CALN1: variants seen among roughly 807,000 people sequenced by gnomAD.
The protein encoded by CALN1 is calneuron 1.
Under a neutral mutation model 30.6 loss-of-function variants are expected in CALN1, and 17 were observed. That is an observed-to-expected ratio of 0.56 (90% CI 0.38 to 0.83). The LOEUF (loss-of-function observed/expected upper bound fraction) is 0.83. CALN1 is among the 40% of genes least tolerant of loss of function. The pLI is 0.00. For missense variants in CALN1, 291 were observed against 354.9 expected, an observed-to-expected ratio of 0.82 and a Z score of 1.45; for synonymous variants, 156 against 131.4, an observed-to-expected ratio of 1.19 and a Z score of -1.28.
At chr7:71,935,432 T>G (rs1795775901) in intron 5 of CALN1, among the ~76,000 whole-genome samples, 2 of 152,146 alleles carry the variant, frequency 1.3e-5, no homozygotes, top group Admixed American at 6.5e-5. Context: ...ATGGATTCAT[T>G]AAAAGGCATC....
At chr7:72,267,071 T>G (rs1322103088) in intron 3 of CALN1, among the ~76,000 whole-genome samples, 1 of 152,218 alleles carries the variant, frequency 6.6e-6, no homozygotes, top group Non-Finnish European at 1.5e-5. Context: ...GAGAGAACTT[T>G]GAGCCATCAG....
intron 3 of CALN1, among the ~76,000 whole-genome samples, chr7:72,196,903 C>T (rs1316358143): frequency 1.3e-5 from 2 of 152,158 alleles, no homozygotes; most frequent in African/African-American, 4.8e-5. Context: ...AAAATCCACA[C>T]TCTTGACCTT....
intron 2 of CALN1, among the ~76,000 whole-genome samples, chr7:72,391,538 C>T (rs1805579262): frequency 1.3e-5 from 2 of 152,088 alleles, no homozygotes; most frequent in Admixed American, 1.3e-4. Flanking sequence ...ATGTCCCCAC[C>T]CAAATCTCAT....
intron 2 of CALN1, among the ~76,000 whole-genome samples, chr7:72,317,700 G>A (rs969189103): frequency 3.9e-5 from 6 of 152,282 alleles, no homozygotes; most frequent in Middle Eastern, 3.4e-3. Flanking sequence ...AGGCTGAGAG[G>A]AAAGAAAGGG....
intron 5 of CALN1, among the ~76,000 whole-genome samples, chr7:71,961,455 C>A (rs896752218): frequency 2.0e-5 from 3 of 152,174 alleles, no homozygotes; most frequent in Non-Finnish European, 4.4e-5. Flanking sequence ...TGGGAGTCAG[C>A]CCCATAGACC....
intron 3 of CALN1, among the ~76,000 whole-genome samples, chr7:72,231,755 G>A (rs976368599): frequency 4.6e-5 from 7 of 152,194 alleles, no homozygotes; most frequent in Non-Finnish European, 1.0e-4. Context: ...GGCATCCACT[G>A]GGGGTCTTGG....
intron 4 of CALN1, among the ~76,000 whole-genome samples, chr7:72,085,809 G>A (rs1240821864): frequency 6.6e-6 from 1 of 152,170 alleles, no homozygotes; most frequent in Non-Finnish European, 1.5e-5. Flanking sequence ...AGGTGGTACA[G>A]GCTGAGATGA....
intron 3 of CALN1, among the ~76,000 whole-genome samples, chr7:72,272,369 CTGGCCAACA>C (rs1797054804): frequency 6.6e-6 from 1 of 152,136 alleles, no homozygotes; most frequent in Non-Finnish European, 1.5e-5. Flanking sequence ...CGAGACCAAC[CTGGCCAACA>C]TGGCAAAAAC....
At chr7:72,349,266 CTG>C (rs1022997181) in intron 2 of CALN1, among the ~76,000 whole-genome samples, 15 of 148,728 alleles carry the variant, frequency 1.0e-4, no homozygotes, top group African/African-American at 3.5e-4. Context: ...AAGAGAGAGA[CTG>C]TAAACACGCG....
chr7:72,293,729 A>ACAGAGGTAGATCTC (rs1198949066), intron 2 of CALN1, among the ~76,000 whole-genome samples: 1 of 152,198 alleles, frequency 6.6e-6, no homozygotes, highest in East Asian at 1.9e-4. Flanking sequence ...TAGGACACTG[A>ACAGAGGTAGATCTC]CAGAGGTAGA....
chr7:72,344,623 T>G (rs946261630), intron 2 of CALN1, among the ~76,000 whole-genome samples: 1 of 137,380 alleles, frequency 7.3e-6, no homozygotes, highest in African/African-American at 2.5e-5. Flanking sequence ...TATGTATATA[T>G]AAATTTAAAT....
rs1275317796 is a variant in CALN1, at chr7:72,041,752, T to C, written c.389-17983A>G. Reference sequence around the variant, plus strand: ...ATGGGAGGGACCCAGTGGGAGGTAATTGGATCATGGGGGTGGGTCTTTCTC... The same window carrying C: ...ATGGGAGGGACCCAGTGGGAGGTAACTGGATCATGGGGGTGGGTCTTTCTC... On this transcript the variant is annotated intron_variant, in intron 4 of 6. Transcript: ENST00000395275. Among the ~76,000 whole-genome samples the C allele has an allele frequency of 2.6e-5, 4 of 152,112 alleles. 1 individual carries two copies. Among genetic ancestry groups the C allele is most frequent in the South Asian group, 4.1e-4 (2 of 4,822 alleles).
intron 4 of CALN1, among the ~76,000 whole-genome samples, chr7:72,096,042 A>AAGATAGAC (rs1554438916): frequency 2.1e-5 from 3 of 143,192 alleles, no homozygotes; most frequent in African/African-American, 7.8e-5. Flanking sequence ...TTGTCTCTAA[A>AAGATAGAC]AGATAGATAG....
chr7:72,334,229 T>A (rs954817820), intron 2 of CALN1, among the ~76,000 whole-genome samples: 1 of 152,142 alleles, frequency 6.6e-6, no homozygotes, highest in Non-Finnish European at 1.5e-5. Flanking sequence ...CAATTGGAAT[T>A]TCTCTCGTAA....
At chr7:72,137,895 G>C (rs1012631603) in intron 3 of CALN1, among the ~76,000 whole-genome samples, 4 of 152,216 alleles carry the variant, frequency 2.6e-5, no homozygotes, top group Non-Finnish European at 5.9e-5. Flanking sequence ...ATTTGAGAGA[G>C]AGAGAGAATG....
rs542117678 is a variant in CALN1 at position 72,230,510 on chromosome 7, G to GA, written c.244+48175dup. On this transcript the variant is annotated intron_variant, in intron 3 of 6. Transcript: ENST00000395275. ...GCAAAAGAGTGAGGCCCTGTCTTGA[G>GA]AAAAAAAAAAAAAGATGGAAGAGGA... is the stretch of plus-strand genomic sequence containing the variant. Among the ~76,000 whole-genome samples the GA allele has an allele frequency of 4.5e-3, 597 of 131,390 alleles. 3 individuals are homozygous for GA. The highest frequency in any genetic ancestry group is 0.011 in the African/African-American group (407 of 36,030). 86.2% of individuals were successfully genotyped at this position (131,390 alleles called of 152,430 possible). A position where few individuals can be genotyped will look rare whatever the true frequency, so the allele number is the denominator to read the frequency against.
intron 5 of CALN1, among the ~76,000 whole-genome samples, chr7:71,998,761 T>C (rs1482050467): frequency 1.3e-5 from 2 of 152,074 alleles, no homozygotes; most frequent in Non-Finnish European, 2.9e-5. Context: ...TTCACCATGT[T>C]GCCCAGACTG....
chr7:71,885,896 G>A (rs965559762), intron 5 of CALN1, among the ~76,000 whole-genome samples: 2 of 152,200 alleles, frequency 1.3e-5, no homozygotes, highest in Non-Finnish European at 2.9e-5. Context: ...CTGCAAATCA[G>A]GAAGGAACCA....
At chr7:71,975,071 T>C (rs1302800833) in intron 5 of CALN1, among the ~76,000 whole-genome samples, 1 of 152,114 alleles carries the variant, frequency 6.6e-6, no homozygotes, top group Non-Finnish European at 1.5e-5. Context: ...ATCCAATTAG[T>C]CACTGGCTGT....
Sources: allele counts gnomAD v4.1 joint callset (sites outside exome capture counted in the v4.1 genomes callset), GRCh38; gene constraint gnomAD v4.1.1; transcripts MANE v1.5; gene names NCBI Gene and HGNC (gene_info 2026-07-23, HGNC 2026-07-21).